The following LRRC4C variants were observed in gnomAD, a reference collection of about 807,000 sequenced individuals.
LRRC4C encodes the protein leucine rich repeat containing 4C.
A neutral mutation model predicts 33.6 loss-of-function variants in LRRC4C; 5 were observed. The observed-to-expected ratio is 0.15, with a 90% CI of 0.08 to 0.31. The LOEUF is 0.31. LRRC4C is among the 10% of genes least tolerant of loss of function. The pLI is 1.00. For synonymous variants in LRRC4C, 329 were observed against 302.0 expected, an observed-to-expected ratio of 1.09 and a Z score of -0.93; for missense variants, 560 against 796.7, an observed-to-expected ratio of 0.70 and a Z score of 3.58.
chr11:40,490,653 C>T (rs556408548), intron 3 of LRRC4C, among the ~76,000 whole-genome samples: 1 of 152,132 alleles, frequency 6.6e-6, no homozygotes, highest in Non-Finnish European at 1.5e-5. Flanking sequence ...AAACGCTTCT[C>T]CTTTTCCACT....
intron 3 of LRRC4C, among the ~76,000 whole-genome samples, chr11:40,355,748 C>T (rs1947628268): frequency 6.6e-6 from 1 of 152,078 alleles, no homozygotes; most frequent in African/African-American, 2.4e-5. Context: ...CTCCTCAGTG[C>T]CTCTTACCTT....
At chr11:40,364,797 C>T (rs954042076) in intron 3 of LRRC4C, among the ~76,000 whole-genome samples, 1 of 151,524 alleles carries the variant, frequency 6.6e-6, no homozygotes, top group African/African-American at 2.4e-5. Context: ...TATAAACAGC[C>T]AAAATAGACC....
intron 1 of LRRC4C, among the ~76,000 whole-genome samples, chr11:41,339,645 G>A (rs188492654): frequency 1.1e-4 from 17 of 151,902 alleles, no homozygotes; most frequent in East Asian, 3.9e-4. Flanking sequence ...TGACTCAAAC[G>A]CATTTAAAAA....
intron 2 of LRRC4C, among the ~76,000 whole-genome samples, chr11:40,667,464 AG>A (rs1943872219): frequency 6.6e-6 from 1 of 152,198 alleles, no homozygotes; most frequent in Non-Finnish European, 1.5e-5. Context: ...TCTTGAATGT[AG>A]GAGAGAATCT....
At chr11:40,521,563 A>C (rs1397006441) in intron 3 of LRRC4C, among the ~76,000 whole-genome samples, 2 of 152,204 alleles carry the variant, frequency 1.3e-5, no homozygotes, top group East Asian at 3.9e-4. Context: ...CATTAGCCTC[A>C]GAAAATGTAC....
intron 3 of LRRC4C, among the ~76,000 whole-genome samples, chr11:40,387,885 C>A (rs1229980926): frequency 6.6e-6 from 1 of 152,120 alleles, no homozygotes; most frequent in African/African-American, 2.4e-5. Context: ...TTTAAAGGCT[C>A]TTTTGAGGCT....
chr11:40,644,156 G>GA (rs973452961), intron 3 of LRRC4C, among the ~76,000 whole-genome samples: 7 of 151,992 alleles, frequency 4.6e-5, no homozygotes, highest in African/African-American at 1.2e-4. Context: ...AAACTTTTGG[G>GA]AAAAAAATAA....
At chr11:40,581,435 G>A (rs1337631420) in intron 3 of LRRC4C, among the ~76,000 whole-genome samples, 1 of 152,050 alleles carries the variant, frequency 6.6e-6, no homozygotes. Flanking sequence ...TTTAAACCTC[G>A]CTCATGTTCT....
intron 1 of LRRC4C, among the ~76,000 whole-genome samples, chr11:41,412,189 CT>C (rs940517796): frequency 1.1e-4 from 17 of 152,150 alleles, no homozygotes; most frequent in Non-Finnish European, 2.2e-4. Context: ...CCCACCAGCA[CT>C]ATGACCCCCG....
At chr11:40,158,774 T>A (rs79903559) in intron 5 of LRRC4C, among the ~76,000 whole-genome samples, 139 of 152,274 alleles carry the variant, frequency 9.1e-4, no homozygotes, top group African/African-American at 2.9e-3. Flanking sequence ...GTTTCAGATG[T>A]TTAAACTGAC....
At chr11:40,809,448 G>A (rs951964893) in intron 2 of LRRC4C, among the ~76,000 whole-genome samples, 2 of 151,954 alleles carry the variant, frequency 1.3e-5, no homozygotes, top group Admixed American at 1.3e-4. Flanking sequence ...TTTTTTCACT[G>A]TAGTTTTCTT....
chr11:40,410,607 C>T (rs1384137326), intron 3 of LRRC4C, among the ~76,000 whole-genome samples: 1 of 152,030 alleles, frequency 6.6e-6, no homozygotes, highest in African/African-American at 2.4e-5. Flanking sequence ...GAGGCCTGGG[C>T]CAGGGGTGGT....
At chr11:40,437,253 T>C (rs2137916602) in intron 3 of LRRC4C, among the ~76,000 whole-genome samples, 1 of 152,318 alleles carries the variant, frequency 6.6e-6, no homozygotes, top group East Asian at 1.9e-4. Flanking sequence ...GTTTCACATA[T>C]ACACATTGTA....
chr11:40,674,765 A>G (rs1343324299), intron 2 of LRRC4C, among the ~76,000 whole-genome samples: 2 of 152,204 alleles, frequency 1.3e-5, no homozygotes, highest in Non-Finnish European at 1.5e-5. Flanking sequence ...CCTCATATGC[A>G]TAGAGCTTAT....
chr11:40,517,056 T>C (rs1167251930), intron 3 of LRRC4C, among the ~76,000 whole-genome samples: 1 of 152,172 alleles, frequency 6.6e-6, no homozygotes, highest in African/African-American at 2.4e-5. Context: ...ATACTGGTTC[T>C]GGCTTGACTT....
At chr11:40,497,136 T>C (rs925483683) in intron 3 of LRRC4C, among the ~76,000 whole-genome samples, 1 of 152,206 alleles carries the variant, frequency 6.6e-6, no homozygotes, top group African/African-American at 2.4e-5. Context: ...GTGGGCGCAG[T>C]GGCTCACGCC....
chr11:40,436,217 AT>A (rs1951132577), intron 3 of LRRC4C, among the ~76,000 whole-genome samples: 2 of 152,158 alleles, frequency 1.3e-5, no homozygotes, highest in African/African-American at 4.8e-5. Flanking sequence ...AGCTATGCTC[AT>A]TTTTTCAGAA....
intron 3 of LRRC4C, among the ~76,000 whole-genome samples, chr11:40,478,037 A>G (rs1326304030): frequency 2.0e-5 from 3 of 152,158 alleles, no homozygotes; most frequent in Admixed American, 2.0e-4. Context: ...CACGTAAGAC[A>G]TGACTTGCTC....
intron 5 of LRRC4C, among the ~76,000 whole-genome samples, chr11:40,210,163 A>G (rs991245787): frequency 6.6e-6 from 1 of 151,944 alleles, no homozygotes; most frequent in Non-Finnish European, 1.5e-5. Context: ...AAAAACTCTC[A>G]AGGCTGAGGC....
Sources: gnomAD v4.1 joint callset for allele counts (sites outside exome capture counted in the v4.1 genomes callset) on GRCh38, gnomAD v4.1.1 for gene constraint, MANE v1.5 for transcripts, NCBI Gene and HGNC (gene_info 2026-07-23, HGNC 2026-07-21) for gene names.